The following CACNG2 variants were observed in gnomAD, a reference collection of about 807,000 sequenced individuals.
CACNG2 encodes the protein voltage-dependent calcium channel gamma-2 subunit.
CACNG2 carries 3 observed loss-of-function variants against 25.9 expected under a neutral mutation model. The observed-to-expected ratio is 0.12, with a 90% CI of 0.05 to 0.30. The LOEUF (loss-of-function observed/expected upper bound fraction) is 0.30. Among genes scored for constraint, CACNG2 ranks in the 10% least tolerant of loss-of-function variants. The pLI is 1.00. For synonymous variants in CACNG2, 167 were observed against 173.3 expected (o/e 0.96, Z 0.29); for missense variants, 341 against 432.5 (o/e 0.79, Z 1.88).
At position 36,688,651 on chromosome 22, in the gene CACNG2, G is replaced by A. The variant is rs1040137749; in HGVS notation, c.211+13715C>T. The stretch of plus-strand genomic sequence containing the variant: ...CACTCTGAATTTATTTGGTGCCTGG[G>A]AAGAAGGTGGTTATCCTCATGGTAG... On this transcript the variant is annotated intron_variant, in intron 1 of 3. Transcript: ENST00000300105. 5.3e-5 allele frequency among the ~76,000 whole-genome samples: 8 copies of A among 152,134 alleles called. 1 individual carries two copies. In the South Asian group the frequency reaches 1.0e-3, roughly 20 times the overall value.
At chr22:36,686,893 G>A (rs897121721) in intron 1 of CACNG2, among the ~76,000 whole-genome samples, 3 of 152,170 alleles carry the variant, frequency 2.0e-5, no homozygotes, top group Non-Finnish European at 2.9e-5. Context: ...AGAAACTCGA[G>A]TTTTCCTCCA....
At chr22:36,653,503 G>A (rs1158154213) in intron 1 of CACNG2, among the ~76,000 whole-genome samples, 1 of 152,242 alleles carries the variant, frequency 6.6e-6, no homozygotes, top group African/African-American at 2.4e-5. Flanking sequence ...GGGCCTGTGT[G>A]TGCCTCAGTT....
chr22:36,646,260 C>T (rs1380792530), intron 1 of CACNG2, among the ~76,000 whole-genome samples: 3 of 152,122 alleles, frequency 2.0e-5, no homozygotes, highest in Non-Finnish European at 4.4e-5. Flanking sequence ...ACCCCCTGTC[C>T]TTTAATGTTT....
At position 36,561,349 on chromosome 22, in the gene CACNG2, C is replaced by G. The variant is rs763776513; in HGVS notation, c.*3002G>C. The G allele has an allele frequency of 6.6e-6, 1 of 152,202 alleles. No individual in the cohort carries two copies. The highest frequency in any genetic ancestry group is 1.5e-5 in the Non-Finnish European group (1 of 68,090). 9.4% of individuals were successfully genotyped at this position (152,202 alleles called of 1,614,324 possible). A position where few individuals can be genotyped will look rare whatever the true frequency, so the allele number is the denominator to read the frequency against. ...TTAGGTCTGGAATCTGGTGGGATGG[C>G]GGGCAAGATTGGGGTGGGAGAGGGG... On this transcript the variant is annotated 3_prime_UTR_variant, in exon 4 of 4. Coordinates refer to ENST00000300105, the MANE Select transcript of CACNG2 (RefSeq NM_006078.5).
chr22:36,682,287 G>A (rs930213054), intron 1 of CACNG2, among the ~76,000 whole-genome samples: 33 of 152,156 alleles, frequency 2.2e-4, no homozygotes, highest in African/African-American at 7.7e-4. Flanking sequence ...CTGGCAAATC[G>A]CTTAATCTCT....
At chr22:36,590,254 A>ACC (rs1935568523) in intron 1 of CACNG2, among the ~76,000 whole-genome samples, 1 of 152,114 alleles carries the variant, frequency 6.6e-6, no homozygotes, top group African/African-American at 2.4e-5. Context: ...GGTTCAGGAG[A>ACC]TGCTAACAGA....
chr22:36,678,796 T>C (rs41304437), intron 1 of CACNG2, among the ~76,000 whole-genome samples: 13,158 of 152,052 alleles, frequency 0.087, 1,071 homozygotes, highest in African/African-American at 0.21. Context: ...AGGACACAGC[T>C]TCCCTTCGGC....
At chr22:36,655,496 C>T (rs998926913) in intron 1 of CACNG2, among the ~76,000 whole-genome samples, 2 of 152,168 alleles carry the variant, frequency 1.3e-5, no homozygotes, top group Non-Finnish European at 2.9e-5. Flanking sequence ...CCTTCCATGG[C>T]CTCAAGGTTA....
intron 1 of CACNG2, among the ~76,000 whole-genome samples, chr22:36,632,113 A>T (rs1387329950): frequency 6.6e-6 from 1 of 152,102 alleles, no homozygotes; most frequent in Non-Finnish European, 1.5e-5. Context: ...GAAAGGAGAG[A>T]TGCTAATCAT....
At chr22:36,667,280 A>T (rs1936888354) in intron 1 of CACNG2, among the ~76,000 whole-genome samples, 1 of 152,192 alleles carries the variant, frequency 6.6e-6, no homozygotes, top group Middle Eastern at 3.4e-3. Flanking sequence ...CTCAGCTCCC[A>T]CCTTGGAGAG....
At chr22:36,690,302 C>T (rs1480383591) in intron 1 of CACNG2, among the ~76,000 whole-genome samples, 1 of 152,186 alleles carries the variant, frequency 6.6e-6, no homozygotes, top group Non-Finnish European at 1.5e-5. Context: ...ATCTGCTGCC[C>T]AGCTCTTGCT....
chr22:36,665,926 A>G (rs953791550), intron 1 of CACNG2, among the ~76,000 whole-genome samples: 1 of 152,248 alleles, frequency 6.6e-6, no homozygotes, highest in Non-Finnish European at 1.5e-5. Context: ...AGCTATGTTC[A>G]TGGTAGCATT....
chr22:36,569,555 T>G (rs1034863945), intron 2 of CACNG2, among the ~76,000 whole-genome samples: 1 of 152,196 alleles, frequency 6.6e-6, no homozygotes, highest in Non-Finnish European at 1.5e-5. Context: ...TTTGTTTGTT[T>G]TAGATACAGA....
chr22:36,669,283 C>G (rs1390566789), intron 1 of CACNG2, among the ~76,000 whole-genome samples: 1 of 151,828 alleles, frequency 6.6e-6, no homozygotes, highest in Non-Finnish European at 1.5e-5. Flanking sequence ...GGGTGGATTA[C>G]CTGAGGTCAG....
intron 1 of CACNG2, among the ~76,000 whole-genome samples, chr22:36,660,504 C>A (rs912158057): frequency 6.6e-6 from 1 of 152,276 alleles, no homozygotes; most frequent in East Asian, 1.9e-4. Context: ...CAACTCCACG[C>A]TGCTCCTGGA....
At chr22:36,614,566 TGAGGCA>T (rs1308101636) in intron 1 of CACNG2, among the ~76,000 whole-genome samples, 5 of 152,198 alleles carry the variant, frequency 3.3e-5, no homozygotes, top group Non-Finnish European at 7.3e-5. Flanking sequence ...CATTGTATCC[TGAGGCA>T]GAGGCAGAGG....
intron 1 of CACNG2, among the ~76,000 whole-genome samples, chr22:36,600,275 G>A (rs1027124770): frequency 4.6e-5 from 7 of 151,994 alleles, no homozygotes; most frequent in African/African-American, 1.7e-4. Flanking sequence ...TTAGAGACAG[G>A]TTCTTGCTTT....
chr22:36,588,350 G>C (rs1029560263), intron 1 of CACNG2, among the ~76,000 whole-genome samples: 1 of 152,122 alleles, frequency 6.6e-6, no homozygotes, highest in Non-Finnish European at 1.5e-5. Flanking sequence ...ACTGGCCTGG[G>C]GCAAATCCCA....
intron 2 of CACNG2, among the ~76,000 whole-genome samples, chr22:36,577,691 A>G (rs540566321): frequency 6.6e-6 from 1 of 151,660 alleles, no homozygotes; most frequent in South Asian, 2.1e-4. Context: ...AGGACAGAAT[A>G]GAAACTGCCG....
Sources: allele counts gnomAD v4.1 joint callset (sites outside exome capture counted in the v4.1 genomes callset), GRCh38; gene constraint gnomAD v4.1.1; transcripts MANE v1.5; gene names NCBI Gene and HGNC (gene_info 2026-07-23, HGNC 2026-07-21).